UTRN: variants seen among roughly 807,000 people sequenced by gnomAD.
UTRN encodes utrophin, also known as dystrophin-related protein 1.
A neutral mutation model predicts 463.9 loss-of-function variants in UTRN; 283 were observed. The ratio of observed to expected loss-of-function variants is 0.61; its 90% confidence interval spans 0.55 to 0.67. The LOEUF (loss-of-function observed/expected upper bound fraction) is 0.67, where lower values mean the gene tolerates loss of function less well. Among genes scored for constraint, UTRN ranks in the 30% least tolerant of loss-of-function variants. The pLI, the probability that UTRN is intolerant of heterozygous loss-of-function variation, is 0.00. For synonymous variants in UTRN, 1,442 were observed against 1,431.5 expected, an observed-to-expected ratio of 1.01 and a Z score of -0.17; for missense variants, 3,922 against 4,084.3, an observed-to-expected ratio of 0.96 and a Z score of 1.08.
At chr6:144,335,799 G>A (rs563373467) in intron 2 of UTRN, among the ~76,000 whole-genome samples, 7 of 152,282 alleles carry the variant, frequency 4.6e-5, no homozygotes, top group African/African-American at 1.7e-4. Context: ...TCCTGGAACT[G>A]TCTTTATATC....
chr6:144,828,064 A>G (rs1780346015), intron 68 of UTRN, among the ~76,000 whole-genome samples: 1 of 152,186 alleles, frequency 6.6e-6, no homozygotes, highest in South Asian at 2.1e-4. Flanking sequence ...ATAGGGGTTT[A>G]TTTTAGAGTC....
At position 144,445,495 on chromosome 6, in the gene UTRN, GCTTA is replaced by G. The variant is rs574139500; in HGVS notation, c.1614+1116_1614+1119del. Among the ~76,000 whole-genome samples the G allele has an allele frequency of 2.0e-5, 3 of 151,836 alleles. No individual in the cohort carries two copies. The South Asian group carries it at 6.2e-4, about 32-fold the overall frequency. ...AAACTCAAGTGTGTGATGTTTTGTG[GCTTA>G]CTAAATATGGTGGCAGATAGTTGCA... On this transcript the variant is annotated intron_variant, in intron 14 of 74. Transcript: ENST00000367545.
intron 60 of UTRN, among the ~76,000 whole-genome samples, chr6:144,779,615 C>T (rs988240177): frequency 6.6e-6 from 1 of 152,096 alleles, no homozygotes; most frequent in Non-Finnish European, 1.5e-5. Context: ...GTTGCTGTCT[C>T]AGGGGTAACA....
chr6:144,533,973 G>T (rs1176582223), intron 43 of UTRN, among the ~76,000 whole-genome samples: 1 of 151,560 alleles, frequency 6.6e-6, no homozygotes, highest in East Asian at 1.9e-4. Flanking sequence ...GTTTCTTGTT[G>T]GTAGTTTAGG....
At chr6:144,290,282 T>C (rs1379481698) in intron 1 of UTRN, among the ~76,000 whole-genome samples, 1 of 152,248 alleles carries the variant, frequency 6.6e-6, no homozygotes, top group East Asian at 1.9e-4. Context: ...TTTAAAATTC[T>C]GAATTCAATC....
At chr6:144,639,833 C>T (rs1777588721) in intron 51 of UTRN, among the ~76,000 whole-genome samples, 1 of 152,124 alleles carries the variant, frequency 6.6e-6, no homozygotes, top group Non-Finnish European at 1.5e-5. Context: ...ATTAACAAAG[C>T]TTTGAAATGC....
At chr6:144,291,010 G>A (rs892898543) in intron 1 of UTRN, among the ~76,000 whole-genome samples, 8 of 150,748 alleles carry the variant, frequency 5.3e-5, no homozygotes, top group South Asian at 4.2e-4. Context: ...TCCTGACCTC[G>A]TGATCCACCT....
At chr6:144,470,300 C>G (rs992076618) in intron 23 of UTRN, among the ~76,000 whole-genome samples, 1 of 152,172 alleles carries the variant, frequency 6.6e-6, no homozygotes, top group African/African-American at 2.4e-5. Context: ...CCCCCCACCT[C>G]CCAGACGGGG....
chr6:144,534,113 T>TAA (rs1231086721), intron 43 of UTRN, among the ~76,000 whole-genome samples: 1 of 152,206 alleles, frequency 6.6e-6, no homozygotes, highest in Non-Finnish European at 1.5e-5. Context: ...TTATGCAACC[T>TAA]AAAATATTCA....
chr6:144,335,030 C>T lies in UTRN; in HGVS notation c.79+43123C>T, dbSNP rs77752037. 8.1e-3 allele frequency among the ~76,000 whole-genome samples: 1,235 copies of T among 152,280 alleles called. 19 individuals carry two copies. The highest frequency in any genetic ancestry group is 0.028 in the African/African-American group (1,170 of 41,542). ...ATCCTGATGATCAAGTAGGAACATC[C>T]GTAGTTCCAGTACTATAGTTCATTG... On this transcript the variant is annotated intron_variant, in intron 2 of 74. Transcript: ENST00000367545.
At chr6:144,322,907 C>T (rs1175746467) in intron 2 of UTRN, among the ~76,000 whole-genome samples, 1 of 145,406 alleles carries the variant, frequency 6.9e-6, no homozygotes, top group Non-Finnish European at 1.5e-5. Context: ...TGCGCCACTG[C>T]ATTACAGCCT....
At chr6:144,672,824 C>G (rs1224364096) in intron 51 of UTRN, among the ~76,000 whole-genome samples, 2 of 152,104 alleles carry the variant, frequency 1.3e-5, no homozygotes, top group Non-Finnish European at 2.9e-5. Context: ...ATACTTTCCT[C>G]TTAGCACTGC....
At chr6:144,732,141 C>T (rs377372689) in intron 54 of UTRN, among the ~76,000 whole-genome samples, 1 of 150,142 alleles carries the variant, frequency 6.7e-6, no homozygotes, top group Admixed American at 6.7e-5. Context: ...GGATTACAGA[C>T]GTAAGCCACT....
intron 6 of UTRN, among the ~76,000 whole-genome samples, chr6:144,424,544 C>T (rs1197565321): frequency 6.6e-6 from 1 of 152,130 alleles, no homozygotes; most frequent in Non-Finnish European, 1.5e-5. Flanking sequence ...AGGACTTCAA[C>T]ATATTAATTT....
At chr6:144,693,957 T>G (rs956072574) in intron 52 of UTRN, among the ~76,000 whole-genome samples, 1 of 152,164 alleles carries the variant, frequency 6.6e-6, no homozygotes, top group Non-Finnish European at 1.5e-5. Flanking sequence ...GAGGGCATCC[T>G]TGTCTTGTGC....
At chr6:144,714,749 G>C (rs920146606) in intron 53 of UTRN, among the ~76,000 whole-genome samples, 3 of 152,148 alleles carry the variant, frequency 2.0e-5, no homozygotes, top group African/African-American at 4.8e-5. Flanking sequence ...GCCATCCTGA[G>C]CCCCACTCTG....
chr6:144,662,003 T>TCATC (rs1554328762), intron 51 of UTRN, among the ~76,000 whole-genome samples: 1 of 146,124 alleles, frequency 6.8e-6, no homozygotes, highest in East Asian at 3.6e-4. Context: ...ATTATTATTA[T>TCATC]TATCTATTTA....
At chr6:144,363,856 C>G (rs1779280594) in intron 2 of UTRN, among the ~76,000 whole-genome samples, 1 of 152,064 alleles carries the variant, frequency 6.6e-6, no homozygotes, top group African/African-American at 2.4e-5. Context: ...TAGGGGGTAG[C>G]TATAAAAAGC....
At chr6:144,509,781 T>C (rs1795023573) in intron 34 of UTRN, among the ~76,000 whole-genome samples, 1 of 152,176 alleles carries the variant, frequency 6.6e-6, no homozygotes, top group Non-Finnish European at 1.5e-5. Context: ...ATATAACTAT[T>C]TTCAATGTAA....
Sources: gnomAD v4.1 joint callset for allele counts (sites outside exome capture counted in the v4.1 genomes callset) on GRCh38, gnomAD v4.1.1 for gene constraint, MANE v1.5 for transcripts, NCBI Gene and HGNC (gene_info 2026-07-23, HGNC 2026-07-21) for gene names.